FSTL5: variants seen among roughly 807,000 people sequenced by gnomAD.
FSTL5 encodes the protein follistatin-related protein 5.
Under a neutral mutation model 89.1 loss-of-function variants are expected in FSTL5, and 62 were observed. The observed-to-expected ratio is 0.70, with a 90% CI of 0.57 to 0.86. The LOEUF (loss-of-function observed/expected upper bound fraction) is 0.86, where lower values mean the gene tolerates loss of function less well. Ranked by LOEUF, FSTL5 falls within the 40% of genes least tolerant of loss-of-function variation. FSTL5 has a pLI of 0.00. For synonymous variants in FSTL5, 383 were observed against 346.2 expected, an observed-to-expected ratio of 1.11 and a Z score of -1.18; for missense variants, 1,057 against 1,001.6, an observed-to-expected ratio of 1.06 and a Z score of -0.75.
intron 4 of FSTL5, among the ~76,000 whole-genome samples, chr4:161,818,796 T>C (rs926402908): frequency 1.3e-5 from 2 of 152,242 alleles, no homozygotes; most frequent in African/African-American, 2.4e-5. Context: ...TTCTCAGTAA[T>C]TATAACAACC....
intron 3 of FSTL5, among the ~76,000 whole-genome samples, chr4:161,976,159 A>G (rs1383272845): frequency 2.6e-5 from 4 of 150,968 alleles, no homozygotes; most frequent in Non-Finnish European, 4.4e-5. Context: ...CAAGCATTTC[A>G]TCTCCACTCA....
At chr4:161,471,039 T>C (rs1733917824) in intron 13 of FSTL5, among the ~76,000 whole-genome samples, 1 of 152,260 alleles carries the variant, frequency 6.6e-6, no homozygotes, top group Admixed American at 6.5e-5. Flanking sequence ...TAATTTTGCT[T>C]ATTCCTTTTT....
chr4:161,493,706 G>A (rs1489121737), intron 12 of FSTL5, among the ~76,000 whole-genome samples: 2 of 151,832 alleles, frequency 1.3e-5, no homozygotes, highest in African/African-American at 4.8e-5. Flanking sequence ...CCTTAAACAC[G>A]TTTATTTGTA....
At chr4:161,604,330 A>G (rs568618382) in intron 7 of FSTL5, among the ~76,000 whole-genome samples, 1 of 152,296 alleles carries the variant, frequency 6.6e-6, no homozygotes, top group South Asian at 2.1e-4. Flanking sequence ...AAGCAAGCAC[A>G]TCATTTAGGA....
At chr4:162,154,091 G>A (rs1298213409) in intron 1 of FSTL5, among the ~76,000 whole-genome samples, 4 of 152,050 alleles carry the variant, frequency 2.6e-5, no homozygotes, top group Middle Eastern at 3.4e-3. Flanking sequence ...ACAGGCTTGA[G>A]CCACTGCACC....
intron 7 of FSTL5, among the ~76,000 whole-genome samples, chr4:161,636,573 T>C (rs1277747319): frequency 6.7e-6 from 1 of 149,774 alleles, no homozygotes; most frequent in Non-Finnish European, 1.5e-5. Context: ...TAACTCGTCA[T>C]CTAGCATTAG....
chr4:161,662,575 A>G (rs1736754539), intron 6 of FSTL5, among the ~76,000 whole-genome samples: 1 of 152,216 alleles, frequency 6.6e-6, no homozygotes, highest in African/African-American at 2.4e-5. Flanking sequence ...GCTAGAAAAG[A>G]GATTAAATGA....
intron 4 of FSTL5, among the ~76,000 whole-genome samples, chr4:161,850,983 A>G (rs1409342589): frequency 1.3e-5 from 2 of 152,192 alleles, no homozygotes; most frequent in African/African-American, 4.8e-5. Context: ...ACAAACCACC[A>G]TGGCATCTAT....
chr4:161,606,907 A>G (rs1017436610), intron 7 of FSTL5, among the ~76,000 whole-genome samples: 2 of 152,206 alleles, frequency 1.3e-5, no homozygotes, highest in African/African-American at 4.8e-5. Flanking sequence ...TTAAAACTTT[A>G]TAAATATTGA....
At chr4:161,573,026 C>G (rs562348288) in intron 8 of FSTL5, among the ~76,000 whole-genome samples, 169 of 152,252 alleles carry the variant, frequency 1.1e-3, no homozygotes, top group African/African-American at 4.0e-3. Flanking sequence ...TGTAAGTAAA[C>G]AAGCCCTTAT....
intron 3 of FSTL5, among the ~76,000 whole-genome samples, chr4:162,018,201 A>G (rs1387168318): frequency 6.6e-6 from 1 of 152,158 alleles, no homozygotes; most frequent in Non-Finnish European, 1.5e-5. Context: ...GCATGTGGTT[A>G]GGAGTAAGAG....
chr4:161,451,987 A>T (rs1240188453), intron 15 of FSTL5, among the ~76,000 whole-genome samples: 2 of 152,244 alleles, frequency 1.3e-5, no homozygotes, highest in African/African-American at 4.8e-5. Context: ...ATGAGAGAAA[A>T]GCAGATTAAT....
intron 12 of FSTL5, among the ~76,000 whole-genome samples, chr4:161,482,159 C>CA (rs200293195): frequency 0.069 from 10,421 of 151,794 alleles, 474 homozygotes; most frequent in Middle Eastern, 0.11. Context: ...ACTAAAAATA[C>CA]AAAAAAATTA....
At chr4:161,699,673 A>G (rs760592825) in intron 6 of FSTL5, among the ~76,000 whole-genome samples, 42 of 152,228 alleles carry the variant, frequency 2.8e-4, no homozygotes, top group Non-Finnish European at 5.6e-4. Flanking sequence ...ATAAAATACA[A>G]ATTTTTAAAT....
intron 3 of FSTL5, among the ~76,000 whole-genome samples, chr4:162,008,761 T>C (rs1412458534): frequency 6.6e-6 from 1 of 151,956 alleles, no homozygotes; most frequent in Non-Finnish European, 1.5e-5. Context: ...TAGGCCATTC[T>C]TTTTAAATAT....
chr4:161,924,698 G>A (rs528904936), intron 3 of FSTL5, among the ~76,000 whole-genome samples: 2 of 151,814 alleles, frequency 1.3e-5, no homozygotes, highest in African/African-American at 4.8e-5. Flanking sequence ...TGTGTTTAAA[G>A]AATGAGTTAA....
chr4:162,145,417 G>C (rs1030584225), intron 1 of FSTL5, among the ~76,000 whole-genome samples: 2 of 151,956 alleles, frequency 1.3e-5, no homozygotes, highest in South Asian at 4.1e-4. Context: ...AGTCATAATT[G>C]TCTATTTTAT....
At chr4:161,772,421 GATA>G (rs1741240496) in intron 5 of FSTL5, among the ~76,000 whole-genome samples, 1 of 151,998 alleles carries the variant, frequency 6.6e-6, no homozygotes, top group Non-Finnish European at 1.5e-5. Flanking sequence ...GCTGTTTGCT[GATA>G]ATATGACTGT....
Position 161,533,164 on chromosome 4 carries a change from C to A in FSTL5, c.1312+5002G>T, listed in dbSNP as rs145351714. On this transcript the variant is annotated intron_variant, in intron 10 of 15. Transcript: ENST00000306100. ...TAGCAATCCAACATCAGACTTAGAA[C>A]TAGGAAAAAAAAAAAAAAGGCAATC... Among the ~76,000 whole-genome samples the A allele has an allele frequency of 9.3e-3, 1,185 of 126,874 alleles. 20 individuals carry two copies. The highest frequency in any genetic ancestry group is 0.032 in the African/African-American group (1,143 of 35,188). The allele number at this position is 126,874 out of a possible 152,430, so 83.2% of individuals were successfully genotyped here. A position where few individuals can be genotyped will look rare whatever the true frequency, so the allele number is the denominator to read the frequency against.
Sources: gnomAD v4.1 joint callset for allele counts (sites outside exome capture counted in the v4.1 genomes callset) on GRCh38, gnomAD v4.1.1 for gene constraint, MANE v1.5 for transcripts, NCBI Gene and HGNC (gene_info 2026-07-23, HGNC 2026-07-21) for gene names.